The following GRIN3A variants were observed in gnomAD, a reference collection of about 807,000 sequenced individuals.
GRIN3A encodes the protein glutamate ionotropic receptor NMDA type subunit 3A, also known as glutamate receptor ionotropic, NMDA 3A.
In GRIN3A, 47 loss-of-function variants were observed where a neutral mutation model predicts 92.4. The ratio of observed to expected loss-of-function variants is 0.51; its 90% CI spans 0.40 to 0.65. GRIN3A has a LOEUF of 0.65. Ranked by LOEUF, GRIN3A falls within the 30% of genes least tolerant of loss-of-function variation. The probability of loss-of-function intolerance (pLI) is 0.00; values close to 1 mark genes in which losing one functional copy is unlikely to be tolerated. For synonymous variants in GRIN3A, 527 were observed against 540.6 expected (o/e 0.97, Z 0.35); for missense variants, 1,324 against 1,393.1 (o/e 0.95, Z 0.79).
intron 1 of GRIN3A, among the ~76,000 whole-genome samples, chr9:101,712,525 C>T (rs996229219): frequency 6.6e-6 from 1 of 152,160 alleles, no homozygotes; most frequent in Admixed American, 6.5e-5. Flanking sequence ...AAATGACTGA[C>T]TTCTTGTTCA....
Position 101,737,476 on chromosome 9 carries a change from G to A in GRIN3A, c.504C>T (p.Ser168=), listed in dbSNP as rs745658861. 1 of 1,614,254 alleles carries A rather than the reference G, an allele frequency of 6.2e-7. No individual in the cohort carries two copies. Among genetic ancestry groups the A allele is most frequent in the Non-Finnish European group, 8.5e-7 (1 of 1,180,052 alleles). The part of the protein sequence containing the change: ...LGDLPLLPFS[S]PSSPWSSDPF... ...GGTCACTGCTCCATGGCGAACTAGG[G>A]GAGGAGAAGGGCAAAAGTGGCAGAT... Residue 168 remains serine, a synonymous_variant, in exon 1 of 9, where the codon TCC becomes TCT. Transcript: ENST00000361820.
At chr9:101,682,848 G>A (rs2118970883) in intron 2 of GRIN3A, among the ~76,000 whole-genome samples, 1 of 152,308 alleles carries the variant, frequency 6.6e-6, no homozygotes, top group African/African-American at 2.4e-5. Flanking sequence ...CAGGCGTGGT[G>A]GCGGGCGCCT....
At chr9:101,715,604 A>G (rs929299881) in intron 1 of GRIN3A, among the ~76,000 whole-genome samples, 9 of 152,202 alleles carry the variant, frequency 5.9e-5, no homozygotes, top group African/African-American at 2.2e-4. Context: ...TAGAAAAAAA[A>G]TCAGCAAAAC....
chr9:101,588,070 G>A (rs1351324843), intron 6 of GRIN3A, among the ~76,000 whole-genome samples: 1 of 152,124 alleles, frequency 6.6e-6, no homozygotes, highest in Non-Finnish European at 1.5e-5. Flanking sequence ...ATGAAATGTG[G>A]GCTCCAGATG....
chr9:101,715,510 C>T (rs1171833358), intron 1 of GRIN3A, among the ~76,000 whole-genome samples: 2 of 152,062 alleles, frequency 1.3e-5, no homozygotes, highest in East Asian at 1.9e-4. Context: ...GATAAAATAT[C>T]TCAACAAATT....
At chr9:101,674,556 GA>G (rs2118958114) in intron 2 of GRIN3A, among the ~76,000 whole-genome samples, 1 of 152,188 alleles carries the variant, frequency 6.6e-6, no homozygotes, top group African/African-American at 2.4e-5. Flanking sequence ...CAGCTTGACA[GA>G]AGGTCATATA....
intron 2 of GRIN3A, among the ~76,000 whole-genome samples, chr9:101,671,544 G>A (rs992701260): frequency 2.0e-5 from 3 of 151,968 alleles, no homozygotes; most frequent in Non-Finnish European, 2.9e-5. Context: ...TGTATCTATC[G>A]ATCTATCTAG....
intron 1 of GRIN3A, among the ~76,000 whole-genome samples, chr9:101,688,616 G>A (rs1359901996): frequency 6.6e-6 from 1 of 152,152 alleles, no homozygotes; most frequent in Middle Eastern, 3.4e-3. Context: ...ATGAAAAATG[G>A]TCTTTTTAAA....
At chr9:101,682,625 G>T (rs552315982) in intron 2 of GRIN3A, among the ~76,000 whole-genome samples, 1 of 152,278 alleles carries the variant, frequency 6.6e-6, no homozygotes, top group Non-Finnish European at 1.5e-5. Context: ...ATTCAAATGC[G>T]CTTATAAAGG....
chr9:101,628,346 T>G lies in GRIN3A; in HGVS notation c.2408A>C (p.Glu803Ala), dbSNP rs770575744. ...RFGTVRESSAEDYVRQSFPEM... is the reference protein window; with the variant it reads ...RFGTVRESSAADYVRQSFPEM... ...TGGGAAACTTTGTCTCACATAATCTTCAGCACTGCTTTCTCGGACAGTTCC... is the reference window on the plus strand; with the variant it reads ...TGGGAAACTTTGTCTCACATAATCTGCAGCACTGCTTTCTCGGACAGTTCC... The change falls in exon 4 of 9, where the codon GAA becomes GCA. Residue 803 changes from glutamate (E) to alanine (A), a missense_variant. Transcript: ENST00000361820. The G allele has an allele frequency of 3.1e-6, 5 of 1,613,854 alleles. No homozygotes were observed. The South Asian group carries it at 4.4e-5, about 14-fold the overall frequency.
At position 101,687,854 on chromosome 9, in the gene GRIN3A, A is replaced by G. The variant is rs929905639; in HGVS notation, c.700-654T>C. ...TGCTGTGAAAAGTGAAATCTGTGCC[A>G]TTAAACACACTTATGTAACTTGTAT... is the stretch of plus-strand genomic sequence containing the variant. On this transcript the variant is annotated intron_variant, in intron 1 of 8. Coordinates refer to ENST00000361820, the MANE Select transcript of GRIN3A (RefSeq NM_133445.3). Among the ~76,000 whole-genome samples, 9 of 152,348 alleles carry G rather than the reference A, an allele frequency of 5.9e-5. No homozygotes were observed. In the East Asian group the frequency reaches 1.7e-3, roughly 29 times the overall value.
intron 2 of GRIN3A, among the ~76,000 whole-genome samples, chr9:101,679,394 T>C (rs556403966): frequency 6.6e-6 from 1 of 152,282 alleles, no homozygotes; most frequent in African/African-American, 2.4e-5. Flanking sequence ...ATTAAGTAAA[T>C]TTGAGCTGTA....
chr9:101,651,279 G>C (rs1190804533), intron 3 of GRIN3A, among the ~76,000 whole-genome samples: 1 of 151,830 alleles, frequency 6.6e-6, no homozygotes, highest in Non-Finnish European at 1.5e-5. Context: ...TAATCCCTAT[G>C]AATAATACAG....
intron 1 of GRIN3A, among the ~76,000 whole-genome samples, chr9:101,722,984 A>G (rs1301631572): frequency 6.6e-6 from 1 of 152,210 alleles, no homozygotes; most frequent in African/African-American, 2.4e-5. Flanking sequence ...CTGGGGCAGA[A>G]TGATACGGTT....
intron 6 of GRIN3A, among the ~76,000 whole-genome samples, chr9:101,596,643 G>A (rs1486780756): frequency 1.3e-5 from 2 of 152,184 alleles, no homozygotes; most frequent in Admixed American, 6.5e-5. Context: ...TTTTGGGCAT[G>A]CACTGGGGCT....
chr9:101,594,370 A>C (rs1828077932), intron 6 of GRIN3A: 2 of 1,546,892 alleles, frequency 1.3e-6, no homozygotes, highest in Admixed American at 2.0e-5. Flanking sequence ...GATAGGGAAG[A>C]AAGCAGAAGT....
chr9:101,663,148 C>T (rs1021528102), intron 3 of GRIN3A, among the ~76,000 whole-genome samples: 2 of 151,874 alleles, frequency 1.3e-5, no homozygotes, highest in African/African-American at 4.8e-5. Context: ...CTAAAATGCT[C>T]TTCTCTAACA....
intron 4 of GRIN3A, among the ~76,000 whole-genome samples, chr9:101,627,619 G>A (rs1165514982): frequency 6.6e-6 from 1 of 152,040 alleles, no homozygotes; most frequent in Non-Finnish European, 1.5e-5. Flanking sequence ...CCTTTTCTCA[G>A]GAAGACTAGA....
intron 3 of GRIN3A, among the ~76,000 whole-genome samples, chr9:101,660,143 C>T (rs541137285): frequency 6.6e-6 from 1 of 151,956 alleles, no homozygotes; most frequent in East Asian, 2.0e-4. Context: ...GGATCCAAAA[C>T]CACCTAGGCT....
Sources: allele counts gnomAD v4.1 joint callset (sites outside exome capture counted in the v4.1 genomes callset), GRCh38; gene constraint gnomAD v4.1.1; transcripts MANE v1.5; gene names NCBI Gene and HGNC (gene_info 2026-07-23, HGNC 2026-07-21).